MYCBP2: variants seen among roughly 807,000 people sequenced by gnomAD.
The protein encoded by MYCBP2 is E3 ubiquitin-protein ligase MYCBP2.
Under a neutral mutation model 525.3 loss-of-function variants are expected in MYCBP2, and 120 were observed. The observed-to-expected ratio is 0.23, with a 90% confidence interval of 0.20 to 0.27. The LOEUF is 0.27. Among genes scored for constraint, MYCBP2 ranks in the 10% least tolerant of loss-of-function variants. MYCBP2 has a pLI of 1.00. For missense variants in MYCBP2, 4,149 were observed against 5,657.1 expected, an observed-to-expected ratio of 0.73 and a Z score of 8.55; for synonymous variants, 1,894 against 1,955.8, an observed-to-expected ratio of 0.97 and a Z score of 0.83.
At chr13:77,105,121 T>C (rs1457899616) in intron 55 of MYCBP2, among the ~76,000 whole-genome samples, 2 of 152,038 alleles carry the variant, frequency 1.3e-5, no homozygotes, top group Admixed American at 6.6e-5. Context: ...CCTGCCAATA[T>C]AGGAAGGAAT....
intron 82 of MYCBP2, among the ~76,000 whole-genome samples, chr13:77,046,928 AG>A (rs2035680014): frequency 6.6e-6 from 1 of 152,222 alleles, no homozygotes; most frequent in Non-Finnish European, 1.5e-5. Context: ...GAGAGTGCGC[AG>A]GATGGGGACA....
At chr13:77,283,275 G>A (rs2154354562) in intron 3 of MYCBP2, among the ~76,000 whole-genome samples, 1 of 152,006 alleles carries the variant, frequency 6.6e-6, no homozygotes, top group South Asian at 2.1e-4. Context: ...TTAGCTTCCT[G>A]CTCTCTCTCT....
At chr13:77,176,138 C>A (rs1313633998) in intron 36 of MYCBP2, among the ~76,000 whole-genome samples, 2 of 151,292 alleles carry the variant, frequency 1.3e-5, no homozygotes, top group Non-Finnish European at 2.9e-5. Context: ...TATTTAATCT[C>A]AATACTACTA....
chr13:77,297,543 T>G (rs2078322167), intron 1 of MYCBP2, among the ~76,000 whole-genome samples: 1 of 152,118 alleles, frequency 6.6e-6, no homozygotes, highest in African/African-American at 2.4e-5. Context: ...TAAGATTTGG[T>G]AACTAATTTA....
intron 1 of MYCBP2, among the ~76,000 whole-genome samples, chr13:77,322,195 T>C (rs2081743789): frequency 6.6e-6 from 1 of 152,150 alleles, no homozygotes; most frequent in Admixed American, 6.5e-5. Context: ...CTACTTAACC[T>C]CTTACAACCA....
chr13:77,158,237 T>C, intron 44 of MYCBP2, 128 bp from the exon 45 acceptor site: 1 of 500,648 alleles, frequency 2.0e-6, no homozygotes. Context: ...TACCCCACTG[T>C]TCCTTCTTTT....
At chr13:77,214,703 C>A (rs1566946936) in intron 21 of MYCBP2, among the ~76,000 whole-genome samples, 2 of 151,846 alleles carry the variant, frequency 1.3e-5, no homozygotes, top group Non-Finnish European at 2.9e-5. Flanking sequence ...GACGGTATAT[C>A]TACTACATAC....
intron 36 of MYCBP2, among the ~76,000 whole-genome samples, chr13:77,175,909 A>G (rs537384492): frequency 2.0e-5 from 3 of 152,010 alleles, no homozygotes; most frequent in Admixed American, 1.3e-4. Flanking sequence ...GTGAGCCAAG[A>G]TCACACCACT....
At chr13:77,220,836 G>A (rs554209039) in intron 20 of MYCBP2, among the ~76,000 whole-genome samples, 6 of 152,056 alleles carry the variant, frequency 3.9e-5, no homozygotes, top group Non-Finnish European at 7.4e-5. Flanking sequence ...AGACTGAAGC[G>A]GTCTTGATGA....
chr13:77,156,717 C>T (rs1266686820), intron 45 of MYCBP2, among the ~76,000 whole-genome samples: 1 of 152,198 alleles, frequency 6.6e-6, no homozygotes, highest in African/African-American at 2.4e-5. Flanking sequence ...CATTACCTTG[C>T]TTTCCACCTA....
intron 66 of MYCBP2, 56 bp from the exon 67 acceptor site, chr13:77,077,443 G>A (rs1487073604): frequency 1.3e-6 from 2 of 1,597,014 alleles, no homozygotes; most frequent in African/African-American, 1.3e-5. Context: ...TTTTATCACT[G>A]TGCTGGACTT....
At chr13:77,108,203 T>C (rs1401713959) in intron 55 of MYCBP2, among the ~76,000 whole-genome samples, 1 of 152,088 alleles carries the variant, frequency 6.6e-6, no homozygotes, top group Non-Finnish European at 1.5e-5. Context: ...CCCCAAAATA[T>C]ACTGTTTCTC....
chr13:77,139,604 A>T (rs530755372), intron 51 of MYCBP2, among the ~76,000 whole-genome samples: 2 of 152,342 alleles, frequency 1.3e-5, no homozygotes, highest in South Asian at 2.1e-4. Context: ...AGATACATAA[A>T]CAGTAAAATC....
chr13:77,217,078 C>T (rs2064928580), intron 21 of MYCBP2, among the ~76,000 whole-genome samples: 1 of 152,218 alleles, frequency 6.6e-6, no homozygotes, highest in Admixed American at 6.5e-5. Flanking sequence ...ACCAGATATT[C>T]TACACACTGT....
intron 19 of MYCBP2, among the ~76,000 whole-genome samples, chr13:77,225,234 C>T (rs1156771007): frequency 1.3e-5 from 2 of 152,150 alleles, no homozygotes; most frequent in African/African-American, 4.8e-5. Flanking sequence ...GAAGTTAGAT[C>T]TCTAGACAAG....
At chr13:77,253,049 T>C (rs564731688) in intron 14 of MYCBP2, among the ~76,000 whole-genome samples, 1 of 152,124 alleles carries the variant, frequency 6.6e-6, no homozygotes, top group East Asian at 1.9e-4. Context: ...AAGAAAAAGG[T>C]TGAAAATTTT....
intron 48 of MYCBP2, among the ~76,000 whole-genome samples, chr13:77,145,521 C>A (rs2055388674): frequency 1.3e-5 from 2 of 152,006 alleles, no homozygotes; most frequent in African/African-American, 4.8e-5. Flanking sequence ...TAGATGATTC[C>A]CAAATTTATT....
chr13:77,270,895 C>G (rs1029961856), intron 5 of MYCBP2, among the ~76,000 whole-genome samples: 1 of 151,964 alleles, frequency 6.6e-6, no homozygotes, highest in Non-Finnish European at 1.5e-5. Flanking sequence ...TATTTCTCTC[C>G]TTGTCTCTCT....
rs1387636815 is a variant in MYCBP2 at position 77,151,760 on chromosome 13, A to G, written c.6916-811T>C. 2.0e-5 allele frequency among the ~76,000 whole-genome samples: 3 copies of G among 152,216 alleles called. No individual in the cohort carries two copies. The East Asian group carries it at 5.8e-4, about 29-fold the overall frequency. ...GGACTATCTTTGATCTACTAACTCT[A>G]CTATTTCATCTACTAACTACTATTT... is the stretch of plus-strand genomic sequence containing the variant. On this transcript the variant is annotated intron_variant, in intron 46 of 82. Transcript: ENST00000544440.
Sources: gnomAD v4.1 joint callset for allele counts (sites outside exome capture counted in the v4.1 genomes callset) on GRCh38, gnomAD v4.1.1 for gene constraint, MANE v1.5 for transcripts, NCBI Gene and HGNC (gene_info 2026-07-23, HGNC 2026-07-21) for gene names.